Variants in PEBP4 observed in about 807,000 individuals in gnomAD.
The protein encoded by PEBP4 is phosphatidylethanolamine binding protein 4, also known as phosphatidylethanolamine-binding protein 4.
In PEBP4, 22 loss-of-function variants were observed where a neutral mutation model predicts 23.9. That is an observed-to-expected ratio of 0.92 (90% CI 0.66 to 1.31). The LOEUF (loss-of-function observed/expected upper bound fraction) is 1.31, where lower values mean the gene tolerates loss of function less well. PEBP4 is among the 40% of genes most tolerant of loss of function. The pLI is 0.00. For missense variants in PEBP4, 324 were observed against 281.7 expected (o/e 1.15, Z -1.07); for synonymous variants, 112 against 99.3 (o/e 1.13, Z -0.76).
intron 4 of PEBP4, among the ~76,000 whole-genome samples, chr8:22,729,922 T>A (rs551844638): frequency 3.5e-4 from 54 of 152,248 alleles, no homozygotes; most frequent in Non-Finnish European, 7.4e-4. Flanking sequence ...ATTTCTACCA[T>A]AGAATCAACA....
chr8:22,873,381 C>A (rs1214236141), intron 3 of PEBP4, among the ~76,000 whole-genome samples: 9 of 152,046 alleles, frequency 5.9e-5, no homozygotes, highest in African/African-American at 2.2e-4. Context: ...ATAACCCCAG[C>A]ACTTTGGGAG....
intron 3 of PEBP4, among the ~76,000 whole-genome samples, chr8:22,866,730 C>T (rs999977055): frequency 6.6e-6 from 1 of 151,504 alleles, no homozygotes; most frequent in African/African-American, 2.4e-5. Context: ...GAATATATGT[C>T]AAAATGATGA....
intron 4 of PEBP4, among the ~76,000 whole-genome samples, chr8:22,786,824 C>CTTT (rs112542901): frequency 7.0e-6 from 1 of 142,368 alleles, no homozygotes. Context: ...CCCCCTACCG[C>CTTT]TTTTTTTTTT....
chr8:22,927,929 T>C (rs1227076264), upstream of PEBP4: 3 of 550,828 alleles, frequency 5.4e-6, no homozygotes, highest in South Asian at 2.4e-5. Context: ...CTCTTCCAAG[T>C]TGGACTCAAT....
chr8:22,936,626 A>C (rs1405113394), intron 1 of PEBP4, among the ~76,000 whole-genome samples: 1 of 152,164 alleles, frequency 6.6e-6, no homozygotes, highest in Non-Finnish European at 1.5e-5. Flanking sequence ...TATGATACCA[A>C]AGCCAATTTT....
chr8:22,724,276 C>T (rs553957018), intron 6 of PEBP4, among the ~76,000 whole-genome samples: 24 of 151,938 alleles, frequency 1.6e-4, no homozygotes, highest in Non-Finnish European at 2.9e-4. Flanking sequence ...GCCAAGCAGG[C>T]GGGGTTCGCC....
chr8:22,725,999 A>ATGTATATG (rs1804616479), intron 5 of PEBP4, among the ~76,000 whole-genome samples: 2 of 146,330 alleles, frequency 1.4e-5, no homozygotes, highest in Non-Finnish European at 3.0e-5. Flanking sequence ...GATCAGATAT[A>ATGTATATG]TGTGTGTGTG....
intron 4 of PEBP4, among the ~76,000 whole-genome samples, chr8:22,738,865 T>TCA (rs902838068): frequency 1.6e-4 from 24 of 152,040 alleles, no homozygotes; most frequent in African/African-American, 5.8e-4. Context: ...ACACACATGC[T>TCA]CACACACACT....
At chr8:22,830,300 T>TTG (rs557261932) in intron 3 of PEBP4, among the ~76,000 whole-genome samples, 8,402 of 148,660 alleles carry the variant, frequency 0.057, 272 homozygotes, top group Non-Finnish European at 0.071. Flanking sequence ...TGGCTAATTT[T>TTG]TGTGTGTGTG....
intron 4 of PEBP4, among the ~76,000 whole-genome samples, chr8:22,809,112 G>A (rs537733615): frequency 1.5e-4 from 23 of 152,306 alleles, no homozygotes; most frequent in African/African-American, 4.8e-4. Flanking sequence ...GTAAAGGATG[G>A]AAGGAGGAAA....
intron 3 of PEBP4, among the ~76,000 whole-genome samples, chr8:22,897,558 A>C (rs1489145916): frequency 1.3e-5 from 2 of 152,174 alleles, no homozygotes; most frequent in African/African-American, 4.8e-5. Flanking sequence ...CCTTACAACA[A>C]ACCTATGAGA....
chr8:22,931,308 G>T (rs577505312), upstream of PEBP4, among the ~76,000 whole-genome samples: 2 of 152,214 alleles, frequency 1.3e-5, no homozygotes, highest in South Asian at 4.1e-4. Flanking sequence ...ATGTTCACAA[G>T]CTTGTGCAAC....
chr8:22,761,238 G>GTGTGTGTGTGTGTT (rs1359963445), intron 4 of PEBP4, among the ~76,000 whole-genome samples: 1 of 151,760 alleles, frequency 6.6e-6, no homozygotes, highest in Non-Finnish European at 1.5e-5. Context: ...GGGGTGGGGT[G>GTGTGTGTGTGTGTT]TGTGTGTGTG....
intron 5 of PEBP4, among the ~76,000 whole-genome samples, chr8:22,725,400 T>C (rs1360939766): frequency 6.6e-6 from 1 of 152,142 alleles, no homozygotes; most frequent in Non-Finnish European, 1.5e-5. Context: ...AGAAGCCAAT[T>C]TCTTGGCTGC....
At chr8:22,852,109 G>A (rs1337242401) in intron 3 of PEBP4, among the ~76,000 whole-genome samples, 1 of 152,122 alleles carries the variant, frequency 6.6e-6, no homozygotes, top group Non-Finnish European at 1.5e-5. Flanking sequence ...CTGGTGGGGA[G>A]GTGGCAAAGG....
chr8:22,914,396 T>C (rs1809022963), intron 3 of PEBP4, among the ~76,000 whole-genome samples: 1 of 152,160 alleles, frequency 6.6e-6, no homozygotes, highest in Non-Finnish European at 1.5e-5. Context: ...TCGTAAATAT[T>C]ACTGAACACA....
chr8:22,865,125 G>C lies in PEBP4; in HGVS notation c.259-47390C>G, dbSNP rs1227555285. Among the ~76,000 whole-genome samples the C allele has an allele frequency of 6.6e-6, 1 of 152,144 alleles. No individual in the cohort carries two copies. On this transcript the variant is annotated intron_variant, in intron 3 of 6. Coordinates refer to ENST00000256404, the MANE Select transcript of PEBP4 (RefSeq NM_144962.3). The surrounding 1 kb of genome is among the most constrained non-coding windows in gnomAD (Gnocchi z 6.9). Reference sequence around the variant, plus strand: ...GGTGGGGGTAGACAGAAGGGCTGGGGCGGCCCGGGGAAGAACCAGTGCTGG... The same window carrying C: ...GGTGGGGGTAGACAGAAGGGCTGGGCCGGCCCGGGGAAGAACCAGTGCTGG...
At chr8:22,920,084 T>A in intron 3 of PEBP4, 100 bp downstream of exon 3, 2 of 1,457,866 alleles carry the variant, frequency 1.4e-6, no homozygotes, top group Admixed American at 1.9e-5. Context: ...CCAACCCAGA[T>A]GGCTCTGCAC....
intron 6 of PEBP4, 82 bp from the exon 7 acceptor site, chr8:22,713,618 G>A (rs886635236): frequency 9.4e-6 from 15 of 1,588,288 alleles, no homozygotes; most frequent in African/African-American, 2.7e-5. Context: ...GAGGGAGGCC[G>A]GCTCGTGGGA....
Sources: allele counts gnomAD v4.1 joint callset (sites outside exome capture counted in the v4.1 genomes callset), GRCh38; gene constraint gnomAD v4.1.1; non-coding constraint Gnocchi (gnomAD v3.1); transcripts MANE v1.5; gene names NCBI Gene and HGNC (gene_info 2026-07-23, HGNC 2026-07-21).